The following ARHGEF3 variants were observed in gnomAD, a reference collection of about 807,000 sequenced individuals.
ARHGEF3 encodes the protein 59.8 kDA protein.
Under a neutral mutation model 63.2 loss-of-function variants are expected in ARHGEF3, and 28 were observed. The ratio of observed to expected loss-of-function variants is 0.44; its 90% confidence interval spans 0.33 to 0.61. ARHGEF3 has a LOEUF of 0.61. ARHGEF3 is among the 20% of genes least tolerant of loss of function. The pLI is 0.03. For synonymous variants in ARHGEF3, 266 were observed against 254.2 expected, an observed-to-expected ratio of 1.05 and a Z score of -0.44; for missense variants, 533 against 659.3, an observed-to-expected ratio of 0.81 and a Z score of 2.10.
chr3:56,995,620 CGAGAGAGAGAGAGAGAGAGA>C lies in ARHGEF3; in HGVS notation c.63-36751_63-36732del, dbSNP rs66778716. Among the ~76,000 whole-genome samples, 478 of 113,230 alleles carry C rather than the reference CGAGAGAGAGAGAGAGAGAGA, an allele frequency of 4.2e-3. 4 individuals are homozygous for C. Among genetic ancestry groups the C allele is most frequent in the Middle Eastern group, 0.014 (3 of 212 alleles). 74.3% of individuals were successfully genotyped at this position (113,230 alleles called of 152,430 possible). On this transcript the variant is annotated intron_variant, in intron 2 of 12. Transcript: ENST00000338458. ...AGGGGGCAAAAGAGAGTAAATTTTC[CGAGAGAGAGAGAGAGAGAGA>C]GAGAGAGAGAGAGAGAGAGAGAGAG...
intron 1 of ARHGEF3, among the ~76,000 whole-genome samples, chr3:57,078,215 A>G (rs549537119): frequency 3.3e-5 from 5 of 152,296 alleles, no homozygotes; most frequent in Admixed American, 3.3e-4. Flanking sequence ...TAAGACAAAG[A>G]CCTAGCAAAG....
At position 56,737,212 on chromosome 3, in the gene ARHGEF3, A is replaced by T. The variant is rs1016683797; in HGVS notation, c.1014T>A (p.His338Gln). Reference protein sequence around the residue: ...LIDSSRVLCCHGELKNNRGVK... With the variant: ...LIDSSRVLCCQGELKNNRGVK... ...CGCCCCGATTGTTCTTCAGTTCACC[A>T]TGACAACACAAGACTCGAGAGCTGT... Residue 338 changes from histidine to glutamine, a missense_variant, in exon 8 of 10, where the codon CAT becomes CAA. Transcript: ENST00000296315. The T allele has an allele frequency of 6.2e-7, 1 of 1,613,980 alleles. No homozygotes were observed. Among genetic ancestry groups the T allele is most frequent in the Non-Finnish European group, 8.5e-7 (1 of 1,179,982 alleles).
intron 3 of ARHGEF3, among the ~76,000 whole-genome samples, chr3:56,903,603 G>C (rs145706271): frequency 6.4e-4 from 97 of 152,300 alleles, no homozygotes; most frequent in African/African-American, 1.9e-3. Context: ...CTATGCACTT[G>C]GATATGCAAA....
At chr3:56,741,496 CTTTT>C (rs71072191) in intron 7 of ARHGEF3, among the ~76,000 whole-genome samples, 1 of 50,510 alleles carries the variant, frequency 2.0e-5, no homozygotes, top group Non-Finnish European at 3.5e-5. Context: ...TACATTGGTT[CTTTT>C]TTTTTTTTTT....
chr3:56,775,806 ACACACACACACACACTGC>A, intron 1 of ARHGEF3: 1 of 310,018 alleles, frequency 3.2e-6, no homozygotes, highest in African/African-American at 2.4e-5. Context: ...GCAAGCACAC[ACACACACACACACACTGC>A]CTCTTAAGCA....
chr3:56,907,660 A>G (rs886242335), intron 3 of ARHGEF3, among the ~76,000 whole-genome samples: 2 of 152,342 alleles, frequency 1.3e-5, no homozygotes, highest in South Asian at 2.1e-4. Flanking sequence ...AAAGTTGTAC[A>G]TATACACCAT....
chr3:56,938,821 C>T (rs1262374621), intron 3 of ARHGEF3: 2 of 152,230 alleles, frequency 1.3e-5, no homozygotes, highest in Non-Finnish European at 2.9e-5. Flanking sequence ...GTCTGTGAGT[C>T]TCTTGCTTGA....
chr3:56,807,057 G>A (rs1367970208), intron 4 of ARHGEF3, among the ~76,000 whole-genome samples: 2 of 151,936 alleles, frequency 1.3e-5, no homozygotes, highest in Admixed American at 6.6e-5. Context: ...CTAATTTTTT[G>A]TGTTTTTAGT....
chr3:56,735,011 C>T (rs140449044), intron 8 of ARHGEF3, among the ~76,000 whole-genome samples: 18 of 152,216 alleles, frequency 1.2e-4, no homozygotes, highest in East Asian at 9.6e-4. Context: ...CAGCCAGGCA[C>T]GGTGGCTCAC....
intron 4 of ARHGEF3, among the ~76,000 whole-genome samples, chr3:56,813,443 A>G (rs984890466): frequency 3.3e-5 from 5 of 152,202 alleles, no homozygotes; most frequent in Non-Finnish European, 5.9e-5. Context: ...AGTTACTGAA[A>G]GAGTTCTCTT....
chr3:57,069,376 AACACACAC>A lies in ARHGEF3; in HGVS notation c.-28+9842_-28+9849del, dbSNP rs147675971. 1.3e-4 allele frequency among the ~76,000 whole-genome samples: 19 copies of A among 146,470 alleles called. No homozygotes were observed. The East Asian group carries it at 1.7e-3, about 13-fold the overall frequency. On this transcript the variant is annotated intron_variant, in intron 1 of 12. Transcript: ENST00000338458. ...AAATAACTCTAATCTCTGTCTCTCA[AACACACAC>A]ACACACACACACACACACACACACA...
chr3:56,933,052 T>G (rs890138627), intron 3 of ARHGEF3, among the ~76,000 whole-genome samples: 2 of 152,200 alleles, frequency 1.3e-5, no homozygotes, highest in Admixed American at 6.5e-5. Context: ...AGTACCAGTC[T>G]GCGGCAGTAC....
At chr3:56,976,569 G>T (rs114338753) in intron 2 of ARHGEF3, among the ~76,000 whole-genome samples, 1 of 152,050 alleles carries the variant, frequency 6.6e-6, no homozygotes, top group Non-Finnish European at 1.5e-5. Flanking sequence ...CTTAAAAGTG[G>T]GTCCTCAGAT....
chr3:56,945,471 T>A (rs1699438645), intron 3 of ARHGEF3, among the ~76,000 whole-genome samples: 1 of 152,106 alleles, frequency 6.6e-6, no homozygotes, highest in Admixed American at 6.5e-5. Context: ...GGAGATTATA[T>A]CCTGTGCCTG....
At chr3:56,788,139 C>A (rs2036912839) in intron 1 of ARHGEF3, among the ~76,000 whole-genome samples, 1 of 152,134 alleles carries the variant, frequency 6.6e-6, no homozygotes, top group Admixed American at 6.5e-5. Context: ...AGCCCAGGTT[C>A]AAAGGTGTCC....
chr3:57,033,970 A>G (rs1412904894), intron 2 of ARHGEF3, among the ~76,000 whole-genome samples: 1 of 152,032 alleles, frequency 6.6e-6, no homozygotes, highest in Non-Finnish European at 1.5e-5. Flanking sequence ...GTTTGAACCC[A>G]GGAGGTGGAG....
intron 6 of ARHGEF3, 47 bp from the exon 7 acceptor site, chr3:56,745,509 G>A (rs1180378993): frequency 2.5e-6 from 4 of 1,596,392 alleles, no homozygotes; most frequent in Non-Finnish European, 3.4e-6. Context: ...AAATAATTGA[G>A]CTCTGAGGCT....
chr3:57,041,059 C>G lies in ARHGEF3; in HGVS notation c.-27-5883G>C, dbSNP rs141025346. On this transcript the variant is annotated intron_variant, in intron 1 of 12. Coordinates refer to the ARHGEF3 transcript ENST00000338458. ...TGGACTTCATTATGACTGTCATATA[C>G]TGATTGCTAATAGGACCAAACACCT... is the stretch of plus-strand genomic sequence containing the variant. 1.1e-3 allele frequency among the ~76,000 whole-genome samples: 170 copies of G among 152,320 alleles called. 1 individual carries two copies. In the East Asian group the frequency reaches 0.026, roughly 23 times the overall value.
chr3:57,010,373 G>A (rs868174915), intron 2 of ARHGEF3, among the ~76,000 whole-genome samples: 4 of 150,176 alleles, frequency 2.7e-5, no homozygotes, highest in South Asian at 2.2e-4. Context: ...GGAGAATGGC[G>A]TGAACCCAGG....
Sources: gnomAD v4.1 joint callset for allele counts (sites outside exome capture counted in the v4.1 genomes callset) on GRCh38, gnomAD v4.1.1 for gene constraint, MANE v1.5 for transcripts, NCBI Gene and HGNC (gene_info 2026-07-23, HGNC 2026-07-21) for gene names.